The following ZMYM1 variants were observed in gnomAD, a reference collection of about 807,000 sequenced individuals.
The protein encoded by ZMYM1 is zinc finger MYM-type containing 1.
Under a neutral mutation model 60.0 loss-of-function variants are expected in ZMYM1, and 39 were observed. The ratio of observed to expected loss-of-function variants is 0.65; its 90% CI spans 0.50 to 0.85. ZMYM1 has a LOEUF of 0.85. Ranked by LOEUF, ZMYM1 falls within the 40% of genes least tolerant of loss-of-function variation. The probability of loss-of-function intolerance (pLI) is 0.00; values close to 1 mark genes in which losing one functional copy is unlikely to be tolerated. For missense variants in ZMYM1, 1,171 were observed against 1,309.5 expected (o/e 0.89, Z 1.63); for synonymous variants, 413 against 454.0 (o/e 0.91, Z 1.15).
intron 1 of ZMYM1, among the ~76,000 whole-genome samples, chr1:35,091,849 T>G (rs1009835693): frequency 1.6e-5 from 2 of 126,706 alleles, no homozygotes; most frequent in Non-Finnish European, 3.1e-5. Flanking sequence ...TGAACTGAGA[T>G]AGTGCCACTG....
chr1:35,098,129 T>C (rs994235971), intron 4 of ZMYM1, among the ~76,000 whole-genome samples: 1 of 152,240 alleles, frequency 6.6e-6, no homozygotes. Flanking sequence ...GATTATTGTT[T>C]ATCCATTCTG....
intron 4 of ZMYM1, among the ~76,000 whole-genome samples, chr1:35,099,248 CTT>C (rs1000895145): frequency 3.3e-5 from 5 of 152,282 alleles, no homozygotes; most frequent in Admixed American, 2.0e-4. Flanking sequence ...TTACCATTCT[CTT>C]TTGCTTTTCA....
intron 7 of ZMYM1, 97 bp downstream of exon 7, chr1:35,110,544 C>T (rs2935955): frequency 0.91 from 961,200 of 1,052,818 alleles, 439,978 homozygotes; most frequent in Non-Finnish European, 0.93. Flanking sequence ...CAAATTAAAC[C>T]GACTTTTAAA....
intron 6 of ZMYM1, among the ~76,000 whole-genome samples, chr1:35,106,608 C>CAAA (rs752085700): frequency 0.013 from 496 of 38,630 alleles, 18 homozygotes; most frequent in African/African-American, 0.041. Flanking sequence ...GACTCCGTCT[C>CAAA]AAAAAAAAAA....
Position 35,097,352 on chromosome 1 carries a change from G to A in ZMYM1, c.205G>A (p.Ala69Thr), listed in dbSNP as rs781635429. ...QLTAGIQLSL[A>T]SSGVNKMLPS... ...GACTGCAGGCATTCAGCTTTCTCTG[G>A]CATCATCTGGCGTGAATAAAATGCT... The change falls in exon 4 of 10, where the codon GCA becomes ACA. Residue 69 changes from alanine (A) to threonine (T), a missense_variant. By Grantham distance (58) the Ala-to-Thr change is moderately conservative (BLOSUM62 0). Transcript: ENST00000359858. 3 of 1,611,242 alleles carry A rather than the reference G, an allele frequency of 1.9e-6. No individual in the cohort carries two copies. The highest frequency in any genetic ancestry group is 1.7e-5 in the Admixed American group (1 of 59,576).
chr1:35,115,263 A>G lies in ZMYM1; in HGVS notation c.*4A>G, dbSNP rs372666001. The G allele has an allele frequency of 8.5e-5, 133 of 1,562,754 alleles. No homozygotes were observed. The highest frequency in any genetic ancestry group is 6.9e-4 in the Middle Eastern group (4 of 5,806). ...CAGTCAGATGAAAGAAATATAATAC[A>G]TGCTCATTTGAACTTACCTAAAAGA... is the stretch of plus-strand genomic sequence containing the variant. On this transcript the variant is annotated 3_prime_UTR_variant, in exon 10 of 10. Coordinates refer to ENST00000359858, the MANE Select transcript of ZMYM1 (RefSeq NM_024772.5).
In ZMYM1 at chr1:35,114,576, A is replaced by G. The variant is rs756797801; in HGVS notation, c.2746A>G (p.Thr916Ala). ...DVYFKTIWDG[T>A]EEICQKITCK... is the part of the protein sequence containing the mutation. The stretch of plus-strand genomic sequence containing the variant: ...ATACTTTAAAACAATCTGGGATGGA[A>G]CAGAGGAAATATGTCAAAAAATAAC... Residue 916 changes from threonine to alanine, a missense_variant, in exon 10 of 10, where the codon ACA becomes GCA. Thr to Ala is a moderately conservative substitution (Grantham distance 58). Coordinates refer to ENST00000359858, the MANE Select transcript of ZMYM1 (RefSeq NM_024772.5). 17 of 1,610,538 alleles carry G rather than the reference A, an allele frequency of 1.1e-5. No homozygotes were observed. The South Asian group carries it at 1.8e-4, about 17-fold the overall frequency.
intron 1 of ZMYM1, among the ~76,000 whole-genome samples, chr1:35,088,436 A>G (rs774895406): frequency 4.8e-4 from 44 of 92,548 alleles, no homozygotes; most frequent in African/African-American, 7.8e-4. Context: ...GTTTATGTGT[A>G]TATATATATA....
At chr1:35,082,806 C>T (rs908777767) in intron 1 of ZMYM1, among the ~76,000 whole-genome samples, 8 of 151,342 alleles carry the variant, frequency 5.3e-5, no homozygotes, top group Non-Finnish European at 1.2e-4. Flanking sequence ...ATGGTGAAAC[C>T]CCGTCTCTAC....
rs149966637 is a variant in ZMYM1 at position 35,080,146 on chromosome 1, C to A, written c.-75+704C>A. Among the ~76,000 whole-genome samples the A allele has an allele frequency of 1.3e-3, 197 of 152,078 alleles. 1 individual carries two copies. The South Asian group carries it at 0.014, about 11-fold the overall frequency. On this transcript the variant is annotated intron_variant, in intron 1 of 9. Transcript: ENST00000359858. Reference sequence around the variant, plus strand: ...CTGAACCCCAAAAGCACAGTTTGAACGCTGCTGATTTACAAGATTAATTTT... The same window carrying A: ...CTGAACCCCAAAAGCACAGTTTGAAAGCTGCTGATTTACAAGATTAATTTT...
At chr1:35,077,131 G>A (rs552907204), upstream of ZMYM1, among the ~76,000 whole-genome samples, 25 of 152,098 alleles carry the variant, frequency 1.6e-4, no homozygotes, top group South Asian at 3.7e-3. Flanking sequence ...ATCTATCACT[G>A]GGGGTGGTTG....
At chr1:35,061,985 A>G (rs1339528562) in intron 1 of ZMYM1, among the ~76,000 whole-genome samples, 2 of 151,466 alleles carry the variant, frequency 1.3e-5, no homozygotes, top group African/African-American at 4.8e-5. Flanking sequence ...ACGCGTCACC[A>G]TGCCTGGCTA....
At chr1:35,107,485 A>G (rs1008895046) in intron 6 of ZMYM1, among the ~76,000 whole-genome samples, 1 of 150,904 alleles carries the variant, frequency 6.6e-6, no homozygotes, top group Non-Finnish European at 1.5e-5. Flanking sequence ...AAAAAAAAAA[A>G]CCTGTATTGA....
chr1:35,108,296 A>G (rs1237965317), intron 6 of ZMYM1, among the ~76,000 whole-genome samples: 3 of 152,176 alleles, frequency 2.0e-5, no homozygotes, highest in Non-Finnish European at 4.4e-5. Flanking sequence ...TCTCTCACAG[A>G]AAAATAAAAC....
intron 1 of ZMYM1, among the ~76,000 whole-genome samples, chr1:35,068,049 A>T (rs943287936): frequency 1.3e-5 from 2 of 151,934 alleles, no homozygotes; most frequent in Non-Finnish European, 2.9e-5. Flanking sequence ...GGCCTCCCAA[A>T]GTGCTGGGAT....
Position 35,115,079 on chromosome 1 carries a change from T to A in ZMYM1, c.3249T>A (p.Thr1083=). The change falls in exon 10 of 10, where the codon ACT becomes ACA. Residue 1083 remains threonine, a synonymous_variant. Coordinates refer to ENST00000359858, the MANE Select transcript of ZMYM1 (RefSeq NM_024772.5). ...CTTGGCCAATTACTTCAGCAAGTAC[T>A]GAGAACTCATTTTCTACCCTGCCTC... ...ALSWPITSAS[T]ENSFSTLPRL... 6.2e-7 allele frequency: 1 copy of A among 1,614,100 alleles called. No homozygotes were observed. Among genetic ancestry groups the A allele is most frequent in the Non-Finnish European group, 8.5e-7 (1 of 1,179,974 alleles).
intron 4 of ZMYM1, among the ~76,000 whole-genome samples, chr1:35,101,603 T>G (rs1045052691): frequency 4.6e-5 from 7 of 151,644 alleles, no homozygotes; most frequent in African/African-American, 1.7e-4. Context: ...CTTTTGTCTA[T>G]TCCCACACCA....
At chr1:35,112,835 C>T (rs535736026) in intron 9 of ZMYM1, 142 bp from the exon 10 acceptor site, 20 of 647,484 alleles carry the variant, frequency 3.1e-5, no homozygotes, top group East Asian at 3.0e-4. Flanking sequence ...ATAAGTTATA[C>T]GTAATTGTTA....
At chr1:35,068,587 G>A (rs984381244) in intron 1 of ZMYM1, among the ~76,000 whole-genome samples, 3 of 150,076 alleles carry the variant, frequency 2.0e-5, no homozygotes, top group Admixed American at 2.0e-4. Flanking sequence ...ATTCCATGAA[G>A]AGACAGCAGA....
Sources: allele counts gnomAD v4.1 joint callset (sites outside exome capture counted in the v4.1 genomes callset), GRCh38; gene constraint gnomAD v4.1.1; transcripts MANE v1.5; gene names NCBI Gene and HGNC (gene_info 2026-07-23, HGNC 2026-07-21).